BLM: variants seen among roughly 807,000 people sequenced by gnomAD.
BLM encodes the protein BLM RecQ like helicase.
A neutral mutation model predicts 135.3 loss-of-function variants in BLM; 95 were observed. The ratio of observed to expected loss-of-function variants is 0.70; its 90% CI spans 0.59 to 0.83. The LOEUF (loss-of-function observed/expected upper bound fraction) is 0.83, where lower values mean the gene tolerates loss of function less well. Ranked by LOEUF, BLM falls within the 40% of genes least tolerant of loss-of-function variation. The pLI, the probability that BLM is intolerant of heterozygous loss-of-function variation, is 0.00. For synonymous variants in BLM, 520 were observed against 589.2 expected (o/e 0.88, Z 1.70); for missense variants, 1,518 against 1,663.9 (o/e 0.91, Z 1.53).
intron 1 of BLM, among the ~76,000 whole-genome samples, chr15:90,730,679 C>A (rs1343124100): frequency 6.6e-6 from 1 of 152,158 alleles, no homozygotes; most frequent in East Asian, 1.9e-4. Flanking sequence ...AACTCCTGAC[C>A]TTGTGATCTG....
chr15:90,745,982 G>C (rs1055352673), intron 1 of BLM, among the ~76,000 whole-genome samples: 2 of 152,156 alleles, frequency 1.3e-5, no homozygotes, highest in Non-Finnish European at 2.9e-5. Flanking sequence ...GGAAGCTGAG[G>C]TGGGAGGATC....
At chr15:90,762,749 T>C (rs980507567) in intron 7 of BLM, among the ~76,000 whole-genome samples, 4 of 151,994 alleles carry the variant, frequency 2.6e-5, no homozygotes, top group African/African-American at 9.7e-5. Flanking sequence ...AAAGTAGTGG[T>C]AGGTGCTGTA....
At chr15:90,735,388 CAT>C (rs1225243498) in intron 1 of BLM, among the ~76,000 whole-genome samples, 1 of 150,986 alleles carries the variant, frequency 6.6e-6, no homozygotes, top group Admixed American at 6.6e-5. Context: ...GAAAAATAAA[CAT>C]ATAAGAATAG....
At chr15:90,786,866 G>GC (rs1173369111) in intron 14 of BLM, among the ~76,000 whole-genome samples, 1 of 151,740 alleles carries the variant, frequency 6.6e-6, no homozygotes, top group Non-Finnish European at 1.5e-5. Context: ...GCCCACCTCA[G>GC]CCCCCCAAAG....
intron 1 of BLM, among the ~76,000 whole-genome samples, chr15:90,742,408 G>C (rs2151141374): frequency 6.6e-6 from 1 of 152,196 alleles, no homozygotes; most frequent in African/African-American, 2.4e-5. Flanking sequence ...GAATGTCTTG[G>C]AGTAGTCTTT....
In BLM at chr15:90,814,498, G is replaced by A. The variant is rs1045328962; in HGVS notation, c.4077-604G>A. ...GGAGGGAGAGCTGGCAGATCTCTGGGTGTAGGCAGGTGAGCCAGGGAGCTG... is the reference window on the plus strand; with the variant it reads ...GGAGGGAGAGCTGGCAGATCTCTGGATGTAGGCAGGTGAGCCAGGGAGCTG... On this transcript the variant is annotated intron_variant, in intron 21 of 21. Transcript: ENST00000355112. Among the ~76,000 whole-genome samples, 3 of 152,178 alleles carry A rather than the reference G, an allele frequency of 2.0e-5. No individual in the cohort carries two copies. In the East Asian group the frequency reaches 5.8e-4, roughly 29 times the overall value.
rs753396770 is a variant in BLM, at chr15:90,749,274, A to T, written c.99-93A>T. The T allele has an allele frequency of 1.7e-4, 145 of 856,864 alleles. 1 individual carries two copies. Among genetic ancestry groups the T allele is most frequent in the Non-Finnish European group, 2.4e-4 (134 of 548,938 alleles). 53.1% of individuals were successfully genotyped at this position (856,864 alleles called of 1,614,324 possible). On this transcript the variant is annotated intron_variant, in intron 2 of 21. Coordinates refer to ENST00000355112, the MANE Select transcript of BLM (RefSeq NM_000057.4). ...GCTCAGTTGGGATACAATTAATGTAACCTGTGTGAATTAGTTTAAAAAATT... is the reference window on the plus strand; with the variant it reads ...GCTCAGTTGGGATACAATTAATGTATCCTGTGTGAATTAGTTTAAAAAATT...
At position 90,810,921 on chromosome 15, in the gene BLM, G is replaced by A. The variant is rs115104602; in HGVS notation, c.3875-284G>A. Among the ~76,000 whole-genome samples, 186 of 152,258 alleles carry A rather than the reference G, an allele frequency of 1.2e-3. 2 individuals are homozygous for A. The highest frequency in any genetic ancestry group is 4.2e-3 in the African/African-American group (174 of 41,542). ...AACAACAGGAACACAGGCCATATGCGACAGTATGAGCTAAACCTCATGTCT... is the reference window on the plus strand; with the variant it reads ...AACAACAGGAACACAGGCCATATGCAACAGTATGAGCTAAACCTCATGTCT... On this transcript the variant is annotated intron_variant, in intron 20 of 21. Coordinates refer to ENST00000355112, the MANE Select transcript of BLM (RefSeq NM_000057.4).
At chr15:90,781,030 A>G (rs1896605041) in intron 12 of BLM, among the ~76,000 whole-genome samples, 1 of 152,202 alleles carries the variant, frequency 6.6e-6, no homozygotes, top group Non-Finnish European at 1.5e-5. Flanking sequence ...TTTGTTTAAG[A>G]TTCACAGAAC....
At chr15:90,747,013 A>T (rs1272604515) in intron 1 of BLM, among the ~76,000 whole-genome samples, 2 of 151,302 alleles carry the variant, frequency 1.3e-5, no homozygotes, top group Admixed American at 6.6e-5. Context: ...ATTTCCTCCC[A>T]CCTCGCTCCC....
chr15:90,730,598 T>C (rs1439226620), intron 1 of BLM, among the ~76,000 whole-genome samples: 1 of 151,832 alleles, frequency 6.6e-6, no homozygotes, highest in Non-Finnish European at 1.5e-5. Flanking sequence ...AGAGGCTGCG[T>C]CACTGCGCCC....
At chr15:90,796,153 G>T (rs747207987) in intron 16 of BLM, among the ~76,000 whole-genome samples, 5 of 152,202 alleles carry the variant, frequency 3.3e-5, no homozygotes, top group Non-Finnish European at 7.3e-5. Flanking sequence ...GAAGGATGGA[G>T]TTATCCTTGG....
rs998623315 is a variant in BLM at position 90,815,493 on chromosome 15, G to A, written c.*214G>A. The A allele has an allele frequency of 6.0e-5, 35 of 586,220 alleles. No individual in the cohort carries two copies. Among genetic ancestry groups the A allele is most frequent in the African/African-American group, 1.9e-4 (10 of 53,486 alleles). 36.3% of individuals were successfully genotyped at this position (586,220 alleles called of 1,614,324 possible). ...TGCTGCCGCTGCAAGTGTTGTGGCC[G>A]TTGTTTCTCAGAACGTCTGAGGCAG... On this transcript the variant is annotated 3_prime_UTR_variant, in exon 22 of 22. Transcript: ENST00000355112. This position sits in a 1 kb window ranked among gnomAD's most constrained non-coding sequence, Gnocchi z 4.6.
At chr15:90,805,234 G>C (rs1008996949) in intron 19 of BLM, among the ~76,000 whole-genome samples, 4 of 147,144 alleles carry the variant, frequency 2.7e-5, no homozygotes, top group African/African-American at 9.8e-5. Flanking sequence ...ATAGTACTTT[G>C]TTATATATGG....
chr15:90,761,102 A>G lies in BLM; in HGVS notation c.1729A>G (p.Ser577Gly), dbSNP rs761955701. The change falls in exon 7 of 22, where the codon AGC becomes GGC. Residue 577 changes from serine to glycine, a missense_variant. By Grantham distance (56) the Ser-to-Gly change is moderately conservative. This residue lies in a region of BLM where 724 missense variants were observed against 756.9 expected (regional missense o/e 0.96). Coordinates refer to ENST00000355112, the MANE Select transcript of BLM (RefSeq NM_000057.4). The part of the protein sequence containing the change: ...WEDIMHNLAA[S>G]KSSTAAYQPI... ...AGACATAATGCATAATTTAGCAGCCAGCAAATCTTCCACAGCTGCCTATCA... is the reference window on the plus strand; with the variant it reads ...AGACATAATGCATAATTTAGCAGCCGGCAAATCTTCCACAGCTGCCTATCA... The G allele has an allele frequency of 1.3e-6, 2 of 1,547,356 alleles. No individual in the cohort carries two copies. Among genetic ancestry groups the G allele is most frequent in the African/African-American group, 2.8e-5 (2 of 72,310 alleles).
At chr15:90,773,676 T>C (rs1333802790) in intron 12 of BLM, among the ~76,000 whole-genome samples, 1 of 152,212 alleles carries the variant, frequency 6.6e-6, no homozygotes, top group Non-Finnish European at 1.5e-5. Context: ...ATCTACTTTC[T>C]GTCTCTGTAG....
At chr15:90,774,597 G>A (rs1234077496) in intron 12 of BLM, among the ~76,000 whole-genome samples, 1 of 151,386 alleles carries the variant, frequency 6.6e-6, no homozygotes, top group Non-Finnish European at 1.5e-5. Flanking sequence ...ACTTTGGGTG[G>A]CCGAGGCGGG....
At chr15:90,752,981 C>A (rs1895728033) in intron 4 of BLM, among the ~76,000 whole-genome samples, 1 of 152,166 alleles carries the variant, frequency 6.6e-6, no homozygotes, top group African/African-American at 2.4e-5. Flanking sequence ...CATACTGATT[C>A]CTTGTTGAAT....
Position 90,735,049 on chromosome 15 carries a change from A to T in BLM, c.-4-12340A>T, listed in dbSNP as rs576930804. Among the ~76,000 whole-genome samples, 9 of 152,108 alleles carry T rather than the reference A, an allele frequency of 5.9e-5. No homozygotes were observed. The South Asian group carries it at 1.9e-3, about 32-fold the overall frequency. ...AGTCTTCATATACACAACAAGTTTG[A>T]ATATATAATGAAGGGTAAAATCCCA... is the stretch of plus-strand genomic sequence containing the variant. On this transcript the variant is annotated intron_variant, in intron 1 of 21. Transcript: ENST00000355112.
Sources: allele counts gnomAD v4.1 joint callset (sites outside exome capture counted in the v4.1 genomes callset), GRCh38; gene constraint gnomAD v4.1.1; regional missense constraint gnomAD v4.1.1; non-coding constraint Gnocchi (gnomAD v3.1); transcripts MANE v1.5; gene names NCBI Gene and HGNC (gene_info 2026-07-23, HGNC 2026-07-21).